LY86: variants seen among roughly 807,000 people sequenced by gnomAD.
LY86 encodes MD-1, RP105-associated.
In LY86, 20 loss-of-function variants were observed where a neutral mutation model predicts 17.3. The observed-to-expected ratio is 1.15, with a 90% CI of 0.81 to 1.68. LY86 has a LOEUF of 1.68. Ranked by LOEUF, LY86 falls within the 40% of genes most tolerant of loss-of-function variation. The pLI, the probability that LY86 is intolerant of heterozygous loss-of-function variation, is 0.00. For synonymous variants in LY86, 74 were observed against 70.6 expected (o/e 1.05, Z -0.24); for missense variants, 200 against 191.9 (o/e 1.04, Z -0.25).
intron 1 of LY86, among the ~76,000 whole-genome samples, chr6:6,596,843 C>T (rs919247071): frequency 1.3e-5 from 2 of 152,080 alleles, no homozygotes; most frequent in Non-Finnish European, 2.9e-5. Flanking sequence ...GTTAATTCTC[C>T]AAAGTACTTT....
chr6:6,621,857 T>C (rs532470679), intron 1 of LY86, among the ~76,000 whole-genome samples: 1 of 152,228 alleles, frequency 6.6e-6, no homozygotes, highest in Non-Finnish European at 1.5e-5. Flanking sequence ...AGTGGAGGAA[T>C]GACAGAGGTA....
At chr6:6,617,200 A>C (rs1761574612) in intron 1 of LY86, among the ~76,000 whole-genome samples, 1 of 152,236 alleles carries the variant, frequency 6.6e-6, no homozygotes, top group African/African-American at 2.4e-5. Flanking sequence ...TCTGGTCGCT[A>C]CTTAACCAAT....
At chr6:6,614,755 T>A (rs1412426818) in intron 1 of LY86, among the ~76,000 whole-genome samples, 13 of 144,814 alleles carry the variant, frequency 9.0e-5, no homozygotes, top group African/African-American at 3.4e-4. Context: ...AAAAAAAAAA[T>A]GCTTTTAGGG....
intron 3 of LY86, among the ~76,000 whole-genome samples, chr6:6,644,245 C>T (rs1431975695): frequency 1.3e-5 from 2 of 152,112 alleles, no homozygotes; most frequent in African/African-American, 2.4e-5. Context: ...CAGGACCAGC[C>T]GGGTGCAGTG....
rs193067399 is a variant in LY86, at chr6:6,594,814, G to C, written c.136+5944G>C. Reference sequence around the variant, plus strand: ...CTCATTTAATCCTTACAAACAGGTAGATAGGAAGTTTATCTCCATTTTCTG... The same window carrying C: ...CTCATTTAATCCTTACAAACAGGTACATAGGAAGTTTATCTCCATTTTCTG... On this transcript the variant is annotated intron_variant, in intron 1 of 4. Coordinates refer to ENST00000230568, the MANE Select transcript of LY86 (RefSeq NM_004271.4). Among the ~76,000 whole-genome samples the C allele has an allele frequency of 1.4e-4, 21 of 152,322 alleles. No individual in the cohort carries two copies. The East Asian group carries it at 3.9e-3, about 28-fold the overall frequency.
At chr6:6,612,058 TAAA>T (rs955731662) in intron 1 of LY86, among the ~76,000 whole-genome samples, 2 of 152,124 alleles carry the variant, frequency 1.3e-5, no homozygotes, top group Non-Finnish European at 2.9e-5. Flanking sequence ...TTGAAGATGT[TAAA>T]AAGCCAATGT....
intron 1 of LY86, among the ~76,000 whole-genome samples, chr6:6,606,692 C>CT (rs1479907919): frequency 6.6e-6 from 1 of 152,220 alleles, no homozygotes; most frequent in African/African-American, 2.4e-5. Flanking sequence ...CCTCACTACC[C>CT]GGGGCTTGCG....
chr6:6,632,274 C>G (rs534852118), intron 3 of LY86, among the ~76,000 whole-genome samples: 3 of 152,132 alleles, frequency 2.0e-5, no homozygotes, highest in African/African-American at 7.2e-5. Context: ...AGAGAGCAGG[C>G]CTGGAGGTCT....
At chr6:6,641,332 A>C (rs1762036484) in intron 3 of LY86, among the ~76,000 whole-genome samples, 1 of 152,242 alleles carries the variant, frequency 6.6e-6, no homozygotes. Context: ...CTTGTGCGCT[A>C]TTCAGGGACA....
intron 1 of LY86, among the ~76,000 whole-genome samples, chr6:6,603,025 T>G: frequency 6.6e-6 from 1 of 152,028 alleles, no homozygotes; most frequent in East Asian, 1.9e-4. Flanking sequence ...GAGATCAAGG[T>G]GACAAGAGGT....
chr6:6,605,420 C>G (rs899262464), intron 1 of LY86, among the ~76,000 whole-genome samples: 2 of 152,214 alleles, frequency 1.3e-5, no homozygotes, highest in African/African-American at 4.8e-5. Context: ...ATGAACAGAC[C>G]TCCAAAGATC....
chr6:6,618,582 T>C (rs939937228), intron 1 of LY86, among the ~76,000 whole-genome samples: 2 of 152,222 alleles, frequency 1.3e-5, no homozygotes, highest in African/African-American at 4.8e-5. Context: ...ATATCACAAA[T>C]AGTCGATATT....
intron 1 of LY86, among the ~76,000 whole-genome samples, chr6:6,613,826 C>G (rs368504687): frequency 6.6e-6 from 1 of 152,240 alleles, no homozygotes; most frequent in Non-Finnish European, 1.5e-5. Flanking sequence ...CTTTCCCTGC[C>G]TGATGGTTTA....
chr6:6,649,011 A>G (rs1762147346), intron 3 of LY86, among the ~76,000 whole-genome samples: 1 of 152,174 alleles, frequency 6.6e-6, no homozygotes, highest in Non-Finnish European at 1.5e-5. Context: ...TTTTCATACC[A>G]CTATGAAGAA....
intron 3 of LY86, among the ~76,000 whole-genome samples, chr6:6,626,934 A>G (rs1761799718): frequency 6.6e-6 from 1 of 152,132 alleles, no homozygotes; most frequent in Non-Finnish European, 1.5e-5. Flanking sequence ...AAACCCCATT[A>G]TATTAGCTAC....
intron 3 of LY86, among the ~76,000 whole-genome samples, chr6:6,640,579 G>A (rs2113156252): frequency 6.6e-6 from 1 of 151,960 alleles, no homozygotes; most frequent in East Asian, 1.9e-4. Context: ...AAATTAGCTG[G>A]GCATGGTGGT....
At chr6:6,605,374 G>A (rs901820934) in intron 1 of LY86, among the ~76,000 whole-genome samples, 9 of 152,234 alleles carry the variant, frequency 5.9e-5, no homozygotes, top group African/African-American at 2.2e-4. Flanking sequence ...TTGGCTGGGG[G>A]AGCAGCTGCT....
chr6:6,654,036 G>A (rs1762224590), intron 4 of LY86, among the ~76,000 whole-genome samples: 1 of 152,160 alleles, frequency 6.6e-6, no homozygotes, highest in Non-Finnish European at 1.5e-5. Flanking sequence ...TCCCCACCAT[G>A]GCCTTTGAGG....
intron 1 of LY86, among the ~76,000 whole-genome samples, chr6:6,619,828 A>G (rs1761633911): frequency 6.6e-6 from 1 of 152,114 alleles, no homozygotes; most frequent in South Asian, 2.1e-4. Context: ...AAAGAGAAAC[A>G]GAGAGAGAGA....
Sources: allele counts gnomAD v4.1 joint callset (sites outside exome capture counted in the v4.1 genomes callset), GRCh38; gene constraint gnomAD v4.1.1; transcripts MANE v1.5; gene names NCBI Gene and HGNC (gene_info 2026-07-23, HGNC 2026-07-21).